Variants in FHIT observed in about 807,000 individuals in gnomAD.
FHIT encodes the protein fragile histidine triad diadenosine triphosphatase.
In FHIT, 19 loss-of-function variants were observed where a neutral mutation model predicts 17.9. The observed-to-expected ratio is 1.06, with a 90% CI of 0.74 to 1.56. The LOEUF is 1.56. FHIT is among the 40% of genes most tolerant of loss of function. FHIT has a pLI of 0.00. For missense variants in FHIT, 248 were observed against 189.2 expected (o/e 1.31, Z -1.82); for synonymous variants, 81 against 69.7 (o/e 1.16, Z -0.81).
chr3:60,322,878 C>A (rs1378339270), intron 5 of FHIT, among the ~76,000 whole-genome samples: 1 of 152,074 alleles, frequency 6.6e-6, no homozygotes, highest in East Asian at 1.9e-4. Flanking sequence ...CAAATTTGAA[C>A]CGTCTGAATT....
chr3:60,552,003 C>T (rs1016467965), intron 4 of FHIT, among the ~76,000 whole-genome samples: 5 of 151,956 alleles, frequency 3.3e-5, no homozygotes, highest in African/African-American at 1.2e-4. Flanking sequence ...TTCCTCTAGC[C>T]CACAGCCCCT....
intron 5 of FHIT, among the ~76,000 whole-genome samples, chr3:60,389,680 G>A (rs1211639083): frequency 6.6e-6 from 1 of 152,176 alleles, no homozygotes; most frequent in Non-Finnish European, 1.5e-5. Flanking sequence ...TATGTGCCAA[G>A]TATGGTCGAT....
chr3:60,897,693 G>T (rs1201543617), intron 3 of FHIT, among the ~76,000 whole-genome samples: 1 of 152,068 alleles, frequency 6.6e-6, no homozygotes, highest in Non-Finnish European at 1.5e-5. Context: ...CTTTATTTCT[G>T]CAGGCCCTTC....
At chr3:59,836,419 G>T (rs1701342214) in intron 8 of FHIT, among the ~76,000 whole-genome samples, 2 of 152,150 alleles carry the variant, frequency 1.3e-5, no homozygotes, top group Admixed American at 6.5e-5. Context: ...GTGGCAGCTG[G>T]CTGGCAAGGA....
chr3:60,290,648 G>C (rs1199153861), intron 5 of FHIT, among the ~76,000 whole-genome samples: 1 of 152,132 alleles, frequency 6.6e-6, no homozygotes, highest in African/African-American at 2.4e-5. Flanking sequence ...AAAGGAATAT[G>C]AAACCATTTT....
intron 4 of FHIT, among the ~76,000 whole-genome samples, chr3:60,715,198 T>C (rs2041650870): frequency 6.6e-6 from 1 of 152,064 alleles, no homozygotes; most frequent in Admixed American, 6.6e-5. Context: ...GATTCCCTAT[T>C]TAATAAATGG....
At chr3:60,892,595 T>C (rs563174976) in intron 3 of FHIT, among the ~76,000 whole-genome samples, 25 of 152,260 alleles carry the variant, frequency 1.6e-4, no homozygotes, top group African/African-American at 6.0e-4. Context: ...CCTGAGAAGG[T>C]GGGAAAAAGG....
intron 3 of FHIT, among the ~76,000 whole-genome samples, chr3:60,894,321 T>C (rs73838605): frequency 2.2e-4 from 34 of 152,334 alleles, no homozygotes; most frequent in African/African-American, 7.7e-4. Flanking sequence ...CAGACAAAAC[T>C]ATGCATGGCT....
At chr3:60,222,457 T>C (rs1443302969) in intron 5 of FHIT, among the ~76,000 whole-genome samples, 2 of 152,088 alleles carry the variant, frequency 1.3e-5, no homozygotes, top group African/African-American at 2.4e-5. Context: ...ACACTAAGCA[T>C]TAGGTTGGTG....
chr3:60,975,208 T>C (rs1375487656), intron 3 of FHIT, among the ~76,000 whole-genome samples: 1 of 152,164 alleles, frequency 6.6e-6, no homozygotes, highest in Non-Finnish European at 1.5e-5. Context: ...GGCCAGAACT[T>C]TAAATATTAG....
At chr3:60,503,639 T>C (rs1237138558) in intron 5 of FHIT, among the ~76,000 whole-genome samples, 3 of 152,142 alleles carry the variant, frequency 2.0e-5, no homozygotes, top group African/African-American at 7.2e-5. Context: ...GTTAATCATA[T>C]TGATGAAATA....
intron 5 of FHIT, among the ~76,000 whole-genome samples, chr3:60,093,001 A>C (rs551971747): frequency 6.6e-6 from 1 of 152,312 alleles, no homozygotes; most frequent in East Asian, 1.9e-4. Context: ...TCATGCTCAA[A>C]CACCATGAAC....
intron 5 of FHIT, among the ~76,000 whole-genome samples, chr3:60,172,212 T>C (rs149301454): frequency 6.6e-6 from 1 of 152,028 alleles, no homozygotes; most frequent in African/African-American, 2.4e-5. Flanking sequence ...AAAATACGAG[T>C]TGAGAGCCAG....
At chr3:59,910,161 G>C (rs1704799972) in intron 8 of FHIT, among the ~76,000 whole-genome samples, 1 of 152,180 alleles carries the variant, frequency 6.6e-6, no homozygotes, top group South Asian at 2.1e-4. Context: ...AGGGAGACAT[G>C]AGGCATCAAT....
rs1032157762 is a variant in FHIT at position 60,154,405 on chromosome 3, T to C, written c.104-140253A>G. 2.3e-4 allele frequency among the ~76,000 whole-genome samples: 35 copies of C among 152,152 alleles called. 1 individual carries two copies. Among genetic ancestry groups the C allele is most frequent in the Admixed American group, 9.2e-4 (14 of 15,266 alleles). ...AAAATTCTGCTTTAGAAATCAGTCA[T>C]GAAAGGTCATTCCAGTTTAAATTAC... On this transcript the variant is annotated intron_variant, in intron 5 of 9. Coordinates refer to ENST00000492590, the MANE Select transcript of FHIT (RefSeq NM_002012.4).
chr3:60,369,734 G>C (rs563208360), intron 5 of FHIT, among the ~76,000 whole-genome samples: 1 of 152,206 alleles, frequency 6.6e-6, no homozygotes, highest in African/African-American at 2.4e-5. Flanking sequence ...GGCTGCGACA[G>C]GACTCCAATA....
chr3:60,620,417 T>C (rs1214887181), intron 4 of FHIT, among the ~76,000 whole-genome samples: 3 of 152,098 alleles, frequency 2.0e-5, no homozygotes, highest in African/African-American at 7.2e-5. Context: ...AGTAAGTGAA[T>C]GAATAAACAA....
At chr3:60,313,205 T>A (rs1438424641) in intron 5 of FHIT, among the ~76,000 whole-genome samples, 1 of 152,198 alleles carries the variant, frequency 6.6e-6, no homozygotes, top group Non-Finnish European at 1.5e-5. Context: ...ATGATATAAA[T>A]ACATATTTAG....
intron 5 of FHIT, among the ~76,000 whole-genome samples, chr3:60,384,166 G>A (rs978522899): frequency 2.0e-5 from 3 of 151,862 alleles, no homozygotes; most frequent in African/African-American, 7.3e-5. Context: ...TACTTGGGAG[G>A]CTGAGGCAGG....
Sources: gnomAD v4.1 joint callset for allele counts (sites outside exome capture counted in the v4.1 genomes callset) on GRCh38, gnomAD v4.1.1 for gene constraint, MANE v1.5 for transcripts, NCBI Gene and HGNC (gene_info 2026-07-23, HGNC 2026-07-21) for gene names.